The following HMCN2 variants were observed in gnomAD, a reference collection of about 807,000 sequenced individuals.
The protein encoded by HMCN2 is hemicentin-2.
A neutral mutation model predicts 377.5 loss-of-function variants in HMCN2; 325 were observed. The ratio of observed to expected loss-of-function variants is 0.86; its 90% CI spans 0.79 to 0.94. The LOEUF (loss-of-function observed/expected upper bound fraction) is 0.94, where lower values mean the gene tolerates loss of function less well. HMCN2 is among the 40% of genes least tolerant of loss of function. The pLI, the probability that HMCN2 is intolerant of heterozygous loss-of-function variation, is 0.00. For missense variants in HMCN2, 4,543 were observed against 4,725.3 expected, an observed-to-expected ratio of 0.96 and a Z score of 1.13; for synonymous variants, 2,007 against 2,046.8, an observed-to-expected ratio of 0.98 and a Z score of 0.53.
At position 130,428,405 on chromosome 9, in the gene HMCN2, C is replaced by A; in HGVS notation, c.14113C>A (p.Arg4705Ser). ...WDAHLCREGQ[R>S]CVNLLGSYRC... Reference sequence around the variant, plus strand: ...TGCTCACCTCTGCCGAGAGGGACAGCGCTGTGTGAACCTGCTCGGGTCCTA... The same window carrying A: ...TGCTCACCTCTGCCGAGAGGGACAGAGCTGTGTGAACCTGCTCGGGTCCTA... The change falls in exon 93 of 98, where the codon CGC becomes AGC. Residue 4705 changes from arginine to serine, a missense_variant. By Grantham distance (110) the Arg-to-Ser change is moderately radical (BLOSUM62 -1). This residue lies in a region of HMCN2 where 1,155 missense variants were observed against 1,157.7 expected (regional missense o/e 1.00). Coordinates refer to ENST00000683500, the MANE Select transcript of HMCN2 (RefSeq NM_001291815.2). This position sits in a 1 kb window ranked among gnomAD's most constrained non-coding sequence, Gnocchi z 5.0. The A allele has an allele frequency of 3.9e-6, 6 of 1,547,736 alleles. No individual in the cohort carries two copies. Among genetic ancestry groups the A allele is most frequent in the Non-Finnish European group, 5.2e-6 (6 of 1,146,936 alleles).
Position 130,362,885 on chromosome 9 carries a change from G to A in HMCN2, c.6127G>A (p.Val2043Ile). ...GTCACAGGTCTTCCCTGGGGGCCGG[G>A]TCCTCACCTTGGCTAGTGCCCGGGC... ...PGLQVFPGGRVLTLASARASD... is the reference protein window; with the variant it reads ...PGLQVFPGGRILTLASARASD... Residue 2043 changes from valine to isoleucine, a missense_variant, in exon 40 of 98, where the codon GTC (valine) becomes ATC (isoleucine). Coordinates refer to ENST00000683500, the MANE Select transcript of HMCN2 (RefSeq NM_001291815.2). 2 of 985,944 alleles carry A rather than the reference G, an allele frequency of 2.0e-6. No individual in the cohort carries two copies. Among genetic ancestry groups the A allele is most frequent in the Non-Finnish European group, 2.4e-6 (2 of 829,976 alleles). The allele number at this position is 985,944 out of a possible 1,614,324, so 61.1% of individuals were successfully genotyped here.
At chr9:130,385,397 C>T (rs1841966534) in intron 59 of HMCN2, among the ~76,000 whole-genome samples, 163 bp from the exon 60 acceptor site, 1 of 152,002 alleles carries the variant, frequency 6.6e-6, no homozygotes, top group Non-Finnish European at 1.5e-5. Context: ...CCTTGGCGTG[C>T]TGGCCTGGTT....
At chr9:130,333,396 G>A (rs1255218283) in intron 22 of HMCN2, among the ~76,000 whole-genome samples, 2 of 152,224 alleles carry the variant, frequency 1.3e-5, no homozygotes, top group Non-Finnish European at 1.5e-5. Context: ...CTCCCTATCA[G>A]ATGCCCTTTG....
rs1040075561 is a variant in HMCN2, at chr9:130,433,556, C to T, written c.15103C>T (p.Arg5035Cys). Reference protein sequence around the residue: ...PRSPFALRPLRAGLGAVYTRR... With the variant: ...PRSPFALRPLCAGLGAVYTRR... ...CAGCCCCTTCGCGCTGCGTCCGCTGCGCGCGGGCCTTGGCGCGGTCTACAC... is the reference window on the plus strand; with the variant it reads ...CAGCCCCTTCGCGCTGCGTCCGCTGTGCGCGGGCCTTGGCGCGGTCTACAC... The change falls in exon 98 of 98, where the codon CGC (arginine) becomes TGC (cysteine). Residue 5035 changes from arginine to cysteine, a missense_variant. Arg to Cys is a radical substitution (Grantham distance 180, BLOSUM62 -3). This residue lies in a region of HMCN2 where 1,155 missense variants were observed against 1,157.7 expected (regional missense o/e 1.00). Coordinates refer to ENST00000683500, the MANE Select transcript of HMCN2 (RefSeq NM_001291815.2). The T allele has an allele frequency of 1.0e-5, 15 of 1,470,086 alleles. No homozygotes were observed. Among genetic ancestry groups the T allele is most frequent in the Non-Finnish European group, 1.3e-5 (14 of 1,116,316 alleles). The allele number at this position is 1,470,086 out of a possible 1,614,324, so 91.1% of individuals were successfully genotyped here.
rs1021216654 is a variant in HMCN2 at position 130,410,669 on chromosome 9, G to T, written c.12961+17G>T. 19 of 1,549,636 alleles carry T rather than the reference G, an allele frequency of 1.2e-5. No homozygotes were observed. Among genetic ancestry groups the T allele is most frequent in the Non-Finnish European group, 1.7e-5 (19 of 1,146,140 alleles). On this transcript the variant is annotated intron_variant, in intron 85 of 97. Coordinates refer to ENST00000683500, the MANE Select transcript of HMCN2 (RefSeq NM_001291815.2). ...TCCTGCAGAGTGAGTCTCGGCCTCA[G>T]CAGAGTGGGGACGTGGGAAGTGTGC...
At chr9:130,284,216 G>T (rs1337226925) in intron 1 of HMCN2, among the ~76,000 whole-genome samples, 1 of 152,172 alleles carries the variant, frequency 6.6e-6, no homozygotes, top group Non-Finnish European at 1.5e-5. Flanking sequence ...TTGTTTGTTT[G>T]CTTCTTGTTT....
intron 15 of HMCN2, among the ~76,000 whole-genome samples, chr9:130,313,611 T>A (rs1837387826): frequency 1.6e-5 from 2 of 126,920 alleles, no homozygotes; most frequent in South Asian, 2.5e-4. Context: ...CCCCCCCCCA[T>A]AAACCTGTGT....
rs1229910396 is a variant in HMCN2 at position 130,433,857 on chromosome 9, C to A, written c.*164C>A. The A allele has an allele frequency of 8.1e-6, 5 of 616,270 alleles. No individual in the cohort carries two copies. The highest frequency in any genetic ancestry group is 1.3e-5 in the Non-Finnish European group (5 of 389,822). The allele number at this position is 616,270 out of a possible 1,614,324, so 38.2% of individuals were successfully genotyped here. ...ACGACCCTGCGCACAGCCTTGACCC[C>A]CGACAGCGAGGACCTGACCTCACAG... On this transcript the variant is annotated 3_prime_UTR_variant, in exon 98 of 98. Coordinates refer to ENST00000683500, the MANE Select transcript of HMCN2 (RefSeq NM_001291815.2).
chr9:130,376,129 G>T (rs895652101), intron 51 of HMCN2, 140 bp downstream of exon 51: 3 of 186,806 alleles, frequency 1.6e-5, no homozygotes, highest in South Asian at 1.8e-4. Context: ...GGGCAGCTAG[G>T]GCGGGCTCCA....
At position 130,285,255 on chromosome 9, in the gene HMCN2, G is replaced by A. The variant is rs781845091; in HGVS notation, c.428G>A (p.Arg143His). ...TTCATCTACGTCTTTTCGGATGCCC[G>A]CGCCAAAGACTATCACAAGAAGGAA... ...GSFIYVFSDA[R>H]AKDYHKKEEL... The change falls in exon 3 of 98, where the codon CGC (arginine) becomes CAC (histidine). Residue 143 changes from arginine to histidine, a missense_variant. Coordinates refer to ENST00000683500, the MANE Select transcript of HMCN2 (RefSeq NM_001291815.2). 15 of 471,160 alleles carry A rather than the reference G, an allele frequency of 3.2e-5. No individual in the cohort carries two copies. Among genetic ancestry groups the A allele is most frequent in the African/African-American group, 2.0e-4 (10 of 50,198 alleles). 29.2% of individuals were successfully genotyped at this position (471,160 alleles called of 1,614,324 possible).
chr9:130,321,722 G>A (rs1837862979), intron 18 of HMCN2, 65 bp from the exon 19 acceptor site: 2 of 152,176 alleles, frequency 1.3e-5, no homozygotes, highest in East Asian at 1.9e-4. Context: ...GTTTCCCGAG[G>A]GTTCTTTCTC....
In HMCN2 at chr9:130,379,307, G is replaced by A. The variant is rs771207877; in HGVS notation, c.8271G>A (p.Arg2757=). The change falls in exon 54 of 98, where the codon CGG becomes CGA. Residue 2757 remains arginine (R), a synonymous_variant. Coordinates refer to ENST00000683500, the MANE Select transcript of HMCN2 (RefSeq NM_001291815.2). ...DFSAAFEILS[R]EEEARGGVTE... ...GTGCAGCCTTCGAGATCCTGTCCCGGGAGGAGGAGGCCCGGGGCGGAGTCA... is the reference window on the plus strand; with the variant it reads ...GTGCAGCCTTCGAGATCCTGTCCCGAGAGGAGGAGGCCCGGGGCGGAGTCA... The A allele has an allele frequency of 1.4e-4, 137 of 985,694 alleles. No homozygotes were observed. The highest frequency in any genetic ancestry group is 1.6e-4 in the Non-Finnish European group (136 of 829,946). 61.1% of individuals were successfully genotyped at this position (985,694 alleles called of 1,614,324 possible).
At chr9:130,292,295 G>A (rs1554930338) in intron 4 of HMCN2, among the ~76,000 whole-genome samples, 1 of 152,122 alleles carries the variant, frequency 6.6e-6, no homozygotes, top group Non-Finnish European at 1.5e-5. Flanking sequence ...CGCTCTGTGC[G>A]GACATCTAGT....
chr9:130,285,374 T>TG, intron 3 of HMCN2, 58 bp downstream of exon 3: 2 of 461,328 alleles, frequency 4.3e-6, no homozygotes, highest in Non-Finnish European at 8.9e-6. Context: ...CCGAGGAAGC[T>TG]GGGGTCTCTC....
At chr9:130,373,612 G>A (rs1381928158) in intron 48 of HMCN2, among the ~76,000 whole-genome samples, 1 of 87,754 alleles carries the variant, frequency 1.1e-5, no homozygotes, top group Non-Finnish European at 2.9e-5. Context: ...TGGGTGGATG[G>A]ATGGATGGAT....
intron 22 of HMCN2, among the ~76,000 whole-genome samples, chr9:130,328,324 C>A (rs917465325): frequency 6.6e-6 from 1 of 152,068 alleles, no homozygotes; most frequent in South Asian, 2.1e-4. Flanking sequence ...GGGGGTGTGG[C>A]GGGGGGCCGT....
intron 97 of HMCN2, 52 bp from the exon 98 acceptor site, chr9:130,433,294 ACG>A (rs1844871971): frequency 1.5e-6 from 2 of 1,347,170 alleles, no homozygotes; most frequent in Non-Finnish European, 1.9e-6. Flanking sequence ...CGGATGGGCC[ACG>A]CTCCGACCGC....
chr9:130,349,438 G>T, intron 28 of HMCN2, 99 bp from the exon 29 acceptor site: 2 of 1,213,360 alleles, frequency 1.6e-6, no homozygotes, highest in Non-Finnish European at 2.1e-6. Context: ...GGTAGGAGGG[G>T]GGCCCAGGCT....
intron 3 of HMCN2, among the ~76,000 whole-genome samples, chr9:130,285,553 AG>A (rs1169057233): frequency 1.3e-5 from 2 of 152,208 alleles, no homozygotes; most frequent in Non-Finnish European, 2.9e-5. Flanking sequence ...TCCCTGGCGC[AG>A]CTTGTTCCTG....
Sources: allele counts gnomAD v4.1 joint callset (sites outside exome capture counted in the v4.1 genomes callset), GRCh38; gene constraint gnomAD v4.1.1; regional missense constraint gnomAD v4.1.1; non-coding constraint Gnocchi (gnomAD v3.1); transcripts MANE v1.5; gene names NCBI Gene and HGNC (gene_info 2026-07-23, HGNC 2026-07-21).